The following FAT3 variants were observed in gnomAD, a reference collection of about 807,000 sequenced individuals.
FAT3 encodes the protein protocadherin Fat 3.
A neutral mutation model predicts 310.2 loss-of-function variants in FAT3; 95 were observed. That is an observed-to-expected ratio of 0.31 (90% CI 0.26 to 0.36). FAT3 has a LOEUF of 0.36. Ranked by LOEUF, FAT3 falls within the 10% of genes least tolerant of loss-of-function variation. The pLI is 1.00. For synonymous variants in FAT3, 2,314 were observed against 2,192.9 expected, an observed-to-expected ratio of 1.06 and a Z score of -1.54; for missense variants, 5,408 against 5,715.6, an observed-to-expected ratio of 0.95 and a Z score of 1.74.
intron 2 of FAT3, among the ~76,000 whole-genome samples, chr11:92,441,582 A>G (rs968911847): frequency 6.6e-6 from 1 of 152,136 alleles, no homozygotes; most frequent in African/African-American, 2.4e-5. Flanking sequence ...TGCTTGATTC[A>G]TTTCATTGCT....
chr11:92,867,518 G>A (rs1322967958), intron 22 of FAT3, among the ~76,000 whole-genome samples: 2 of 152,168 alleles, frequency 1.3e-5, no homozygotes, highest in Non-Finnish European at 2.9e-5. Context: ...AGGAGGTTGG[G>A]CGAATGGAAC....
chr11:92,473,938 G>C (rs936265417), intron 2 of FAT3, among the ~76,000 whole-genome samples: 3 of 152,180 alleles, frequency 2.0e-5, no homozygotes, highest in Non-Finnish European at 4.4e-5. Flanking sequence ...GTCACTCAAG[G>C]CTCTTTGTCA....
chr11:92,488,090 C>CT (rs1952479117), intron 2 of FAT3, among the ~76,000 whole-genome samples: 1 of 152,180 alleles, frequency 6.6e-6, no homozygotes, highest in South Asian at 2.1e-4. Flanking sequence ...TTCAGAGAGT[C>CT]TTTGCTGGAT....
Position 92,829,294 on chromosome 11 carries a change from T to A in FAT3, c.9482-2328T>A, listed in dbSNP as rs190326897. Among the ~76,000 whole-genome samples the A allele has an allele frequency of 1.3e-3, 197 of 152,340 alleles. No individual in the cohort carries two copies. The Middle Eastern group carries it at 0.017, about 13-fold the overall frequency. ...GCACTAATGGAAGTCCCTGCATGAA[T>A]TTCATGCCTGCACTTCTTATTGGCA... On this transcript the variant is annotated intron_variant, in intron 13 of 27. Coordinates refer to ENST00000525166, the MANE Select transcript of FAT3 (RefSeq NM_001367949.2).
Position 92,761,837 on chromosome 11 carries a change from A to G in FAT3, c.3670-19A>G. On this transcript the variant is annotated intron_variant, in intron 4 of 27. Transcript: ENST00000525166. ...GAATAATTTTCTCCTTTCTGATCAC[A>G]TCATACTCTCTTTTTCAGGTGACTG... The G allele has an allele frequency of 6.2e-7, 1 of 1,609,006 alleles. No homozygotes were observed. Among genetic ancestry groups the G allele is most frequent in the African/African-American group, 1.3e-5 (1 of 74,754 alleles).
At chr11:92,357,423 G>T (rs1263830849) in intron 2 of FAT3, among the ~76,000 whole-genome samples, 1 of 152,184 alleles carries the variant, frequency 6.6e-6, no homozygotes, top group Non-Finnish European at 1.5e-5. Context: ...CTGAAATTTG[G>T]TGTTGAGCTA....
intron 6 of FAT3, 119 bp downstream of exon 6, chr11:92,765,208 G>A (rs1946273251): frequency 2.2e-6 from 2 of 889,302 alleles, no homozygotes; most frequent in East Asian, 2.7e-5. Flanking sequence ...ATTAAAAGAT[G>A]TATAGTGCTG....
At chr11:92,878,364 TAGAA>T (rs553842361) in intron 22 of FAT3, among the ~76,000 whole-genome samples, 22 of 151,902 alleles carry the variant, frequency 1.4e-4, no homozygotes, top group African/African-American at 5.1e-4. Flanking sequence ...CAGCTAAAAA[TAGAA>T]ATAAATAAAT....
intron 3 of FAT3, among the ~76,000 whole-genome samples, chr11:92,561,617 CATTT>C (rs754392196): frequency 6.6e-6 from 1 of 151,494 alleles, no homozygotes; most frequent in Admixed American, 6.6e-5. Context: ...ATTTATTTAT[CATTT>C]ATTTATTTAT....
chr11:92,833,645 T>A (rs1948324243), intron 14 of FAT3, among the ~76,000 whole-genome samples: 1 of 152,046 alleles, frequency 6.6e-6, no homozygotes, highest in Non-Finnish European at 1.5e-5. Context: ...CCGTGGTAAG[T>A]ATTGGAAGGT....
intron 2 of FAT3, among the ~76,000 whole-genome samples, chr11:92,484,732 A>C (rs1952325651): frequency 6.6e-6 from 1 of 152,364 alleles, no homozygotes; most frequent in South Asian, 2.1e-4. Flanking sequence ...TTCTCTCCAC[A>C]GAGTAATAAC....
chr11:92,551,414 T>TTTTGTG (rs139398937), intron 3 of FAT3, among the ~76,000 whole-genome samples: 4 of 128,876 alleles, frequency 3.1e-5, no homozygotes, highest in African/African-American at 1.2e-4. Flanking sequence ...TTTTTTTGTT[T>TTTTGTG]TGTGTGTGTG....
rs1949990020 is a variant in FAT3, at chr11:92,894,736, C to T, written c.*3623C>T. Reference sequence around the variant, plus strand: ...CCTTGGCCTGCCTATTCATGAAATGCCATATAAAAGACTTAGGAACATGAG... The same window carrying T: ...CCTTGGCCTGCCTATTCATGAAATGTCATATAAAAGACTTAGGAACATGAG... On this transcript the variant is annotated 3_prime_UTR_variant, in exon 28 of 28. Transcript: ENST00000525166. 6.6e-6 allele frequency: 1 copy of T among 152,098 alleles called. No individual in the cohort carries two copies. Among genetic ancestry groups the T allele is most frequent in the South Asian group, 2.1e-4 (1 of 4,816 alleles). 9.4% of individuals were successfully genotyped at this position (152,098 alleles called of 1,614,324 possible).
At chr11:92,328,213 T>G (rs926241873) in intron 1 of FAT3, among the ~76,000 whole-genome samples, 10 of 152,200 alleles carry the variant, frequency 6.6e-5, no homozygotes, top group Admixed American at 3.3e-4. Context: ...CCCTACCTCC[T>G]GTCAACTCCT....
intron 2 of FAT3, among the ~76,000 whole-genome samples, chr11:92,358,810 A>G (rs1265627414): frequency 6.6e-6 from 1 of 152,004 alleles, no homozygotes; most frequent in Non-Finnish European, 1.5e-5. Context: ...CCAAGTGCTA[A>G]AAAAAATATG....
At chr11:92,618,663 T>A (rs1348903441) in intron 3 of FAT3, among the ~76,000 whole-genome samples, 2 of 152,192 alleles carry the variant, frequency 1.3e-5, no homozygotes, top group East Asian at 3.9e-4. Context: ...TGCTAATGCA[T>A]ATAAATACAT....
chr11:92,667,162 A>T (rs1422973527), intron 3 of FAT3, among the ~76,000 whole-genome samples: 2 of 152,188 alleles, frequency 1.3e-5, no homozygotes, highest in African/African-American at 4.8e-5. Flanking sequence ...CATATCTGTG[A>T]TGCCAACTTG....
chr11:92,372,762 G>A (rs1273016842), intron 2 of FAT3, among the ~76,000 whole-genome samples: 1 of 151,986 alleles, frequency 6.6e-6, no homozygotes, highest in Admixed American at 6.6e-5. Context: ...CCGGGTTCAT[G>A]CCATTCTCCT....
At position 92,561,250 on chromosome 11, in the gene FAT3, CGTGT is replaced by C. The variant is rs66585879; in HGVS notation, c.3607+36339_3607+36342del. On this transcript the variant is annotated intron_variant, in intron 3 of 27. Coordinates refer to ENST00000525166, the MANE Select transcript of FAT3 (RefSeq NM_001367949.2). ...GACAGTCTCTCAGATCCTTCTACTT[CGTGT>C]GTGTGTGTGTGTGTGTGTGTGTGTG... Among the ~76,000 whole-genome samples the C allele has an allele frequency of 3.3e-3, 488 of 148,484 alleles. 3 individuals carry two copies. Among genetic ancestry groups the C allele is most frequent in the African/African-American group, 0.011 (433 of 40,124 alleles).
Sources: gnomAD v4.1 joint callset for allele counts (sites outside exome capture counted in the v4.1 genomes callset) on GRCh38, gnomAD v4.1.1 for gene constraint, MANE v1.5 for transcripts, NCBI Gene and HGNC (gene_info 2026-07-23, HGNC 2026-07-21) for gene names.